The following PDE3A variants were observed in gnomAD, a reference collection of about 807,000 sequenced individuals.
PDE3A encodes cGMP-inhibited 3',5'-cyclic phosphodiesterase 3A.
Under a neutral mutation model 98.3 loss-of-function variants are expected in PDE3A, and 43 were observed. That is an observed-to-expected ratio of 0.44 (90% confidence interval 0.34 to 0.56). PDE3A has a LOEUF of 0.56. PDE3A is among the 20% of genes least tolerant of loss of function. PDE3A has a pLI of 0.01. For synonymous variants in PDE3A, 663 were observed against 567.9 expected (o/e 1.17, Z -2.38); for missense variants, 1,427 against 1,440.7 (o/e 0.99, Z 0.15).
intron 1 of PDE3A, among the ~76,000 whole-genome samples, chr12:20,466,940 C>T (rs1243609816): frequency 6.6e-6 from 1 of 152,130 alleles, no homozygotes; most frequent in African/African-American, 2.4e-5. Flanking sequence ...AATAAATTGC[C>T]ATTTGAACTC....
At chr12:20,551,069 G>A (rs999545962) in intron 1 of PDE3A, among the ~76,000 whole-genome samples, 3 of 150,948 alleles carry the variant, frequency 2.0e-5, no homozygotes, top group Non-Finnish European at 4.4e-5. Flanking sequence ...TATATGCTTA[G>A]TTTACTCCCT....
intron 1 of PDE3A, among the ~76,000 whole-genome samples, chr12:20,424,429 A>C (rs1944571762): frequency 6.6e-6 from 1 of 152,178 alleles, no homozygotes; most frequent in African/African-American, 2.4e-5. Flanking sequence ...ATACAAATAG[A>C]TGTAAGGGAG....
chr12:20,666,795 G>A (rs540618225), intron 15 of PDE3A, among the ~76,000 whole-genome samples: 1 of 152,256 alleles, frequency 6.6e-6, no homozygotes. Flanking sequence ...TAAATACCCA[G>A]TAGTGGGATT....
chr12:20,577,769 G>T (rs977416446), intron 2 of PDE3A, among the ~76,000 whole-genome samples: 1 of 152,076 alleles, frequency 6.6e-6, no homozygotes, highest in Non-Finnish European at 1.5e-5. Context: ...CACAGAAATG[G>T]AATTTAACAC....
chr12:20,408,153 T>A (rs1364088841), intron 1 of PDE3A, among the ~76,000 whole-genome samples: 1 of 152,148 alleles, frequency 6.6e-6, no homozygotes, highest in Non-Finnish European at 1.5e-5. Flanking sequence ...ACTCCTGACC[T>A]TGTGATCCAC....
intron 1 of PDE3A, among the ~76,000 whole-genome samples, chr12:20,424,182 T>C (rs1944567930): frequency 6.6e-6 from 1 of 152,210 alleles, no homozygotes. Context: ...ATTGTAGCAA[T>C]CATATTAGTT....
intron 1 of PDE3A, among the ~76,000 whole-genome samples, chr12:20,391,399 A>G (rs1020659001): frequency 7.4e-5 from 11 of 147,848 alleles, no homozygotes; most frequent in African/African-American, 2.7e-4. Context: ...ACACACACAC[A>G]TACATGCATT....
Position 20,620,826 on chromosome 12 carries a change from A to C in PDE3A, c.1425-470A>C, listed in dbSNP as rs369241061. ...CACAAGGAAATAATGCAAAAAAAAA[A>C]CACCATTATTTATGAATGATTTCAT... On this transcript the variant is annotated intron_variant, in intron 4 of 15. Coordinates refer to ENST00000359062, the MANE Select transcript of PDE3A (RefSeq NM_000921.5). 7.0e-4 allele frequency among the ~76,000 whole-genome samples: 102 copies of C among 146,704 alleles called. 1 individual carries two copies. The highest frequency in any genetic ancestry group is 2.3e-3 in the Admixed American group (34 of 14,488).
intron 2 of PDE3A, among the ~76,000 whole-genome samples, chr12:20,564,993 A>G (rs1942619273): frequency 6.6e-6 from 1 of 152,144 alleles, no homozygotes; most frequent in Non-Finnish European, 1.5e-5. Flanking sequence ...TTTAAGCAAT[A>G]GTTAATTTTA....
Position 20,616,241 on chromosome 12 carries a change from G to A in PDE3A, c.1281G>A (p.Arg427=). 1 of 1,613,798 alleles carries A rather than the reference G, an allele frequency of 6.2e-7. No homozygotes were observed. The highest frequency in any genetic ancestry group is 8.5e-7 in the Non-Finnish European group (1 of 1,179,876). The part of the protein sequence containing the change: ...DKLAIPKRLR[R]SLPPGLLRRV... The stretch of plus-strand genomic sequence containing the variant: ...AGTCTCTTTCCTAGCGCCTGAGAAG[G>A]AGTTTGCCTCCTGGCTTGTTGAGAC... The change falls in exon 4 of 16, where the codon AGG becomes AGA. Residue 427 remains arginine (R), a synonymous_variant. Transcript: ENST00000359062.
intron 6 of PDE3A, among the ~76,000 whole-genome samples, chr12:20,631,504 C>T (rs1240107985): frequency 6.6e-6 from 1 of 152,100 alleles, no homozygotes; most frequent in Non-Finnish European, 1.5e-5. Context: ...AATTAAGAAG[C>T]ATTGTTTTAT....
At chr12:20,569,874 G>T (rs1233295767) in intron 2 of PDE3A, among the ~76,000 whole-genome samples, 1 of 152,112 alleles carries the variant, frequency 6.6e-6, no homozygotes, top group Non-Finnish European at 1.5e-5. Flanking sequence ...GCCACTTTGG[G>T]CTTCACTAAC....
intron 6 of PDE3A, among the ~76,000 whole-genome samples, chr12:20,632,914 T>A (rs1299708242): frequency 2.0e-5 from 3 of 150,820 alleles, no homozygotes; most frequent in African/African-American, 7.3e-5. Context: ...AAAAATATCA[T>A]AACCCAATTA....
At chr12:20,664,634 A>G (rs1225043263) in intron 15 of PDE3A, among the ~76,000 whole-genome samples, 1 of 152,138 alleles carries the variant, frequency 6.6e-6, no homozygotes, top group Non-Finnish European at 1.5e-5. Flanking sequence ...TGAATAAGTC[A>G]TGGATCTGAT....
At chr12:20,649,837 A>G (rs994771970) in intron 13 of PDE3A, among the ~76,000 whole-genome samples, 6 of 152,066 alleles carry the variant, frequency 3.9e-5, no homozygotes, top group Non-Finnish European at 5.9e-5. Context: ...TGAGGCAGGA[A>G]GATTGCTTGA....
rs1306483019 is a variant in PDE3A at position 20,681,550 on chromosome 12, T to A, written c.*1279T>A. On this transcript the variant is annotated 3_prime_UTR_variant, in exon 16 of 16. Coordinates refer to ENST00000359062, the MANE Select transcript of PDE3A (RefSeq NM_000921.5). ...AAAGCCTGATTCTTGGCAACTGTTG[T>A]AGTTTGTCTTTCAGGGGTGAAGGTC... 2 of 152,232 alleles carry A rather than the reference T, an allele frequency of 1.3e-5. No individual in the cohort carries two copies. Among genetic ancestry groups the A allele is most frequent in the East Asian group, 3.9e-4 (2 of 5,184 alleles). 9.4% of individuals were successfully genotyped at this position (152,232 alleles called of 1,614,324 possible).
At chr12:20,386,131 AAATATATATAAATATATATAT>A in intron 1 of PDE3A, among the ~76,000 whole-genome samples, 1 of 77,306 alleles carries the variant, frequency 1.3e-5, no homozygotes, top group Middle Eastern at 5.1e-3. Context: ...AAATATATAT[AAATATATATAAATATATATAT>A]AAATATATAT....
Position 20,613,455 on chromosome 12 carries a change from A to G in PDE3A, c.1024A>G (p.Ser342Gly), listed in dbSNP as rs757623572. Residue 342 changes from serine to glycine, a missense_variant, in exon 3 of 16, where the codon AGT becomes GGT. Transcript: ENST00000359062. ...GPRGSQSSGT[S>G]ITVDIAVMGE... ...GTTTGTGTCTCAGTCTTCAGGAACC[A>G]GTATTACTGTGGACATCGCCGTCAT... 4.3e-6 allele frequency: 7 copies of G among 1,614,130 alleles called. No individual in the cohort carries two copies. The highest frequency in any genetic ancestry group is 5.9e-6 in the Non-Finnish European group (7 of 1,179,968).
chr12:20,646,347 T>C, intron 10 of PDE3A, 143 bp from the exon 11 acceptor site: 1 of 599,106 alleles, frequency 1.7e-6, no homozygotes, highest in African/African-American at 1.8e-5. Context: ...AGTAATCAAA[T>C]AATATTTGTC....
Sources: allele counts gnomAD v4.1 joint callset (sites outside exome capture counted in the v4.1 genomes callset), GRCh38; gene constraint gnomAD v4.1.1; transcripts MANE v1.5; gene names NCBI Gene and HGNC (gene_info 2026-07-23, HGNC 2026-07-21).